KCNIP4: variants seen among roughly 807,000 people sequenced by gnomAD.
KCNIP4 encodes the protein potassium voltage-gated channel interacting protein 4.
In KCNIP4, 12 loss-of-function variants were observed where a neutral mutation model predicts 34.0. That is an observed-to-expected ratio of 0.35 (90% CI 0.23 to 0.57). The LOEUF (loss-of-function observed/expected upper bound fraction) is 0.57. Among genes scored for constraint, KCNIP4 ranks in the 20% least tolerant of loss-of-function variants. The pLI is 0.83. For missense variants in KCNIP4, 238 were observed against 311.7 expected, an observed-to-expected ratio of 0.76 and a Z score of 1.78; for synonymous variants, 124 against 102.2, an observed-to-expected ratio of 1.21 and a Z score of -1.29.
chr4:21,757,028 T>C (rs1332838176), intron 1 of KCNIP4, among the ~76,000 whole-genome samples: 8 of 148,990 alleles, frequency 5.4e-5, no homozygotes, highest in African/African-American at 1.5e-4. Context: ...ACCTGGGAGG[T>C]GGAGGTTGCA....
chr4:21,775,943 C>T (rs572369579), intron 1 of KCNIP4, among the ~76,000 whole-genome samples: 1 of 152,198 alleles, frequency 6.6e-6, no homozygotes, highest in Non-Finnish European at 1.5e-5. Context: ...ATGGGTTAGA[C>T]AGCAGGCAGC....
intron 1 of KCNIP4, among the ~76,000 whole-genome samples, chr4:21,228,655 T>C (rs1159516808): frequency 6.6e-6 from 1 of 152,184 alleles, no homozygotes; most frequent in Non-Finnish European, 1.5e-5. Context: ...CTCTTCTTCC[T>C]TCATCTTTGC....
chr4:21,536,440 T>C (rs1277070487), intron 1 of KCNIP4, among the ~76,000 whole-genome samples: 1 of 152,188 alleles, frequency 6.6e-6, no homozygotes, highest in Non-Finnish European at 1.5e-5. Context: ...ATGAAAGGAC[T>C]ATTTCCTATG....
chr4:21,335,023 G>C (rs1274975880), intron 1 of KCNIP4, among the ~76,000 whole-genome samples: 1 of 151,944 alleles, frequency 6.6e-6, no homozygotes, highest in East Asian at 1.9e-4. Context: ...ACATTCCCAG[G>C]AGCTCTCCTT....
In KCNIP4 at chr4:21,043,496, AT is replaced by A. The variant is rs373193720; in HGVS notation, c.62-160788del. On this transcript the variant is annotated intron_variant, in intron 1 of 8. Transcript: ENST00000382152. ...AGGAGTGCACCACCATGCCCAGCTA[AT>A]TTTTTTTTTTTTTGTATTTTTAGTA... 6.2e-3 allele frequency among the ~76,000 whole-genome samples: 882 copies of A among 143,180 alleles called. 3 individuals are homozygous for A. The highest frequency in any genetic ancestry group is 7.8e-3 in the African/African-American group (304 of 38,790). 93.9% of individuals were successfully genotyped at this position (143,180 alleles called of 152,430 possible).
At chr4:21,084,686 T>C (rs555837116) in intron 1 of KCNIP4, among the ~76,000 whole-genome samples, 1 of 151,014 alleles carries the variant, frequency 6.6e-6, no homozygotes, top group Admixed American at 6.6e-5. Flanking sequence ...AGAATATATA[T>C]GAACTTTTTC....
intron 1 of KCNIP4, among the ~76,000 whole-genome samples, chr4:21,185,291 T>C (rs1560790597): frequency 6.8e-6 from 1 of 147,248 alleles, no homozygotes; most frequent in Non-Finnish European, 1.5e-5. Flanking sequence ...GAGAAAGCCT[T>C]CTCATTTTCC....
At chr4:21,739,180 G>T (rs1716232863) in intron 1 of KCNIP4, among the ~76,000 whole-genome samples, 1 of 152,058 alleles carries the variant, frequency 6.6e-6, no homozygotes, top group Non-Finnish European at 1.5e-5. Context: ...CTCCGAATTT[G>T]TTTTCTAAAC....
chr4:21,752,865 A>G (rs1717245456), intron 1 of KCNIP4, among the ~76,000 whole-genome samples: 1 of 152,190 alleles, frequency 6.6e-6, no homozygotes, highest in Non-Finnish European at 1.5e-5. Flanking sequence ...TCTTGCTGAG[A>G]AAAGAAATTT....
chr4:21,669,115 C>G (rs1395109092), intron 1 of KCNIP4, among the ~76,000 whole-genome samples: 1 of 145,468 alleles, frequency 6.9e-6, no homozygotes, highest in Non-Finnish European at 1.5e-5. Context: ...TTATGATTTT[C>G]CCTGCCTCCC....
intron 1 of KCNIP4, among the ~76,000 whole-genome samples, chr4:21,064,790 T>A (rs1169922766): frequency 6.6e-6 from 1 of 152,160 alleles, no homozygotes; most frequent in African/African-American, 2.4e-5. Flanking sequence ...TCGCTAAATG[T>A]ATTGTGAAAT....
intron 1 of KCNIP4, among the ~76,000 whole-genome samples, chr4:21,432,091 CATATATATATATATAT>C (rs71655634): frequency 0.12 from 4,502 of 36,418 alleles, 357 homozygotes; most frequent in Non-Finnish European, 0.19. Context: ...AAAATGGAAG[CATATATATATATATAT>C]ATATATATAT....
intron 1 of KCNIP4, among the ~76,000 whole-genome samples, chr4:21,665,404 T>C (rs185236102): frequency 6.2e-4 from 94 of 152,178 alleles, no homozygotes; most frequent in African/African-American, 2.2e-3. Flanking sequence ...AATATTGTAG[T>C]AGGTGATATA....
chr4:21,909,805 G>A (rs1451584846), intron 1 of KCNIP4, among the ~76,000 whole-genome samples: 2 of 152,072 alleles, frequency 1.3e-5, no homozygotes, highest in African/African-American at 2.4e-5. Context: ...CATGGCGACA[G>A]GCAAAGGGAG....
At chr4:21,859,928 C>G (rs1236755435) in intron 1 of KCNIP4, among the ~76,000 whole-genome samples, 1 of 151,930 alleles carries the variant, frequency 6.6e-6, no homozygotes, top group Non-Finnish European at 1.5e-5. Flanking sequence ...CAGCTACTCA[C>G]TACTTGGGAG....
chr4:21,414,048 G>GA (rs1724738907), intron 1 of KCNIP4, among the ~76,000 whole-genome samples: 1 of 151,870 alleles, frequency 6.6e-6, no homozygotes, highest in African/African-American at 2.4e-5. Context: ...CAACATTAAC[G>GA]AAAAAATCTT....
chr4:21,250,523 C>G (rs955741869), intron 1 of KCNIP4, among the ~76,000 whole-genome samples: 1 of 152,080 alleles, frequency 6.6e-6, no homozygotes, highest in Non-Finnish European at 1.5e-5. Context: ...AGGAGGAATA[C>G]GCAGGATACA....
intron 1 of KCNIP4, among the ~76,000 whole-genome samples, chr4:21,736,545 G>C (rs569593932): frequency 6.6e-6 from 1 of 152,164 alleles, no homozygotes; most frequent in Non-Finnish European, 1.5e-5. Flanking sequence ...CCTGGCAACA[G>C]AATGCCCACA....
At chr4:21,809,691 CCTTA>C (rs1053198565) in intron 1 of KCNIP4, among the ~76,000 whole-genome samples, 1 of 152,088 alleles carries the variant, frequency 6.6e-6, no homozygotes, top group African/African-American at 2.4e-5. Flanking sequence ...TCTACAGTTT[CCTTA>C]CTTATTTAAA....
Sources: gnomAD v4.1 joint callset for allele counts (sites outside exome capture counted in the v4.1 genomes callset) on GRCh38, gnomAD v4.1.1 for gene constraint, MANE v1.5 for transcripts, NCBI Gene and HGNC (gene_info 2026-07-23, HGNC 2026-07-21) for gene names.